Variants in ITGB1BP1 observed in about 807,000 individuals in gnomAD.
The protein encoded by ITGB1BP1 is integrin subunit beta 1 binding protein 1.
ITGB1BP1 carries 20 observed loss-of-function variants against 28.0 expected under a neutral mutation model. That is an observed-to-expected ratio of 0.71 (90% confidence interval 0.50 to 1.04). The LOEUF (loss-of-function observed/expected upper bound fraction) is 1.04, where lower values mean the gene tolerates loss of function less well. Ranked by LOEUF, ITGB1BP1 falls within the 50% of genes least tolerant of loss-of-function variation. The pLI is 0.00. For synonymous variants in ITGB1BP1, 103 were observed against 89.5 expected (o/e 1.15, Z -0.85); for missense variants, 228 against 242.5 (o/e 0.94, Z 0.40).
Position 9,405,624 on chromosome 2 carries a change from CTCT to C in ITGB1BP1, c.*1207_*1209del, listed in dbSNP as rs1446042265. On this transcript the variant is annotated 3_prime_UTR_variant, in exon 7 of 7. Transcript: ENST00000355346. ...AATTAGAGCATGTTTAATAAGTTTACTCTTCTTGTTAACTAGTCATTTGACTGG... is the reference window on the plus strand; with the variant it reads ...AATTAGAGCATGTTTAATAAGTTTACTCTTGTTAACTAGTCATTTGACTGG... The C allele has an allele frequency of 6.6e-6, 1 of 152,490 alleles. No individual in the cohort carries two copies. Among genetic ancestry groups the C allele is most frequent in the African/African-American group, 2.4e-5 (1 of 41,420 alleles). 9.4% of individuals were successfully genotyped at this position (152,490 alleles called of 1,614,324 possible). A position where few individuals can be genotyped will look rare whatever the true frequency, so the allele number is the denominator to read the frequency against.
rs183116403 is a variant in ITGB1BP1, at chr2:9,404,553, T to C, written c.*2281A>G. ...GCGAGGGTAAGATTCATAGTAGGAA[T>C]ATTGGAAATTTTGGCACTCTGAGAA... On this transcript the variant is annotated 3_prime_UTR_variant, in exon 7 of 7. Transcript: ENST00000355346. 5.9e-5 allele frequency: 9 copies of C among 152,552 alleles called. No homozygotes were observed. The highest frequency in any genetic ancestry group is 2.2e-4 in the African/African-American group (9 of 41,576). The allele number at this position is 152,552 out of a possible 1,614,324, so 9.4% of individuals were successfully genotyped here.
chr2:9,409,062 A>T lies in ITGB1BP1; in HGVS notation c.289-857T>A, dbSNP rs1338721853. ...TTCGGGCTGGCAAGTGCTGCTGATG[A>T]GCAGTTACTCCACTCACAAAAACAT... is the stretch of plus-strand genomic sequence containing the variant. On this transcript the variant is annotated intron_variant, in intron 4 of 6. Transcript: ENST00000355346. Among the ~76,000 whole-genome samples the T allele has an allele frequency of 2.6e-5, 4 of 152,190 alleles. No individual in the cohort carries two copies. In the South Asian group the frequency reaches 6.2e-4, roughly 24 times the overall value.
upstream of ITGB1BP1, chr2:9,423,564 C>A: frequency 8.9e-7 from 1 of 1,121,448 alleles, no homozygotes; most frequent in Non-Finnish European, 1.2e-6. Flanking sequence ...CCCCCGGTTC[C>A]AAGACCCCAA....
At chr2:9,411,547 C>T (rs984290510) in intron 4 of ITGB1BP1, among the ~76,000 whole-genome samples, 6 of 151,734 alleles carry the variant, frequency 4.0e-5, no homozygotes, top group Non-Finnish European at 8.8e-5. Flanking sequence ...CACAGTGAAA[C>T]CCCATCTCTA....
intron 4 of ITGB1BP1, 173 bp downstream of exon 4, chr2:9,412,096 G>A: frequency 1.5e-5 from 9 of 582,118 alleles, no homozygotes; most frequent in Non-Finnish European, 2.7e-5. Context: ...CAGCGCCTGT[G>A]TTCCCATGCA....
At chr2:9,418,755 C>G in intron 1 of ITGB1BP1, 23 bp from the exon 2 acceptor site, 1 of 1,411,994 alleles carries the variant, frequency 7.1e-7, no homozygotes, top group Non-Finnish European at 9.9e-7. Flanking sequence ...ATATTGGTAA[C>G]AGTTACATCG....
At chr2:9,408,907 T>C (rs1441235388) in intron 4 of ITGB1BP1, among the ~76,000 whole-genome samples, 1 of 152,212 alleles carries the variant, frequency 6.6e-6, no homozygotes, top group Non-Finnish European at 1.5e-5. Context: ...TTAAAATACC[T>C]ACATGAGAAA....
chr2:9,406,886 C>T lies in ITGB1BP1; in HGVS notation c.551G>A (p.Cys184Tyr). 6.2e-7 allele frequency: 1 copy of T among 1,612,864 alleles called. No homozygotes were observed. Among genetic ancestry groups the T allele is most frequent in the African/African-American group, 1.3e-5 (1 of 75,014 alleles). ...CNSLEQAQAI[C>Y]KVLSTAFDSV... ...GTCAAAAGCGGTGGATAAAACCTTG[C>T]AAATGGCTTGTGCTTGTTCCTACAT... The change falls in exon 7 of 7, where the codon TGC (cysteine) becomes TAC (tyrosine). Residue 184 changes from cysteine to tyrosine, a missense_variant. By Grantham distance (194) the Cys-to-Tyr change is radical (BLOSUM62 -2). This residue lies in a region of ITGB1BP1 where 192 missense variants were observed against 181.6 expected (regional missense o/e 1.06). Transcript: ENST00000355346.
rs1027927504 is a variant in ITGB1BP1, at chr2:9,408,293, G to A, written c.289-88C>T. 3.0e-5 allele frequency: 24 copies of A among 798,604 alleles called. No individual in the cohort carries two copies. In the East Asian group the frequency reaches 3.3e-4, roughly 11 times the overall value. The allele number at this position is 798,604 out of a possible 1,614,324, so 49.5% of individuals were successfully genotyped here. A position where few individuals can be genotyped will look rare whatever the true frequency, so the allele number is the denominator to read the frequency against. On this transcript the variant is annotated intron_variant, in intron 4 of 6. Transcript: ENST00000355346. Reference sequence around the variant, plus strand: ...TAGTCACTTTGAGTATCTGGCCATCGCAAGCCCAAACCCTTTAAAGAATGT... The same window carrying A: ...TAGTCACTTTGAGTATCTGGCCATCACAAGCCCAAACCCTTTAAAGAATGT...
Position 9,418,656 on chromosome 2 carries a change from G to A in ITGB1BP1, c.42C>T (p.Ser14=), listed in dbSNP as rs765475880. The change falls in exon 2 of 7, where the codon TCC becomes TCT. Residue 14 remains serine (S), a synonymous_variant. Coordinates refer to ENST00000355346, the MANE Select transcript of ITGB1BP1 (RefSeq NM_004763.5). ...KGKKRHSSSS[S]QSSEISTKSK... is the part of the protein sequence containing the mutation. ...TCTTAGTACTGATTTCGCTACTTTG[G>A]GAACTGCTACTACTGTGTCGTTTTT... The A allele has an allele frequency of 2.5e-6, 4 of 1,613,664 alleles. No homozygotes were observed. The highest frequency in any genetic ancestry group is 2.2e-5 in the East Asian group (1 of 44,884).
intron 2 of ITGB1BP1, among the ~76,000 whole-genome samples, chr2:9,417,785 T>C (rs1679331992): frequency 6.6e-6 from 1 of 150,748 alleles, no homozygotes; most frequent in Non-Finnish European, 1.5e-5. Context: ...ACCCCCTCCA[T>C]TCCTGTAGTT....
chr2:9,410,542 A>G (rs1312714364), intron 4 of ITGB1BP1, among the ~76,000 whole-genome samples: 1 of 152,072 alleles, frequency 6.6e-6, no homozygotes, highest in African/African-American at 2.4e-5. Flanking sequence ...GAGTTCAAGC[A>G]AGCAGTTCAA....
intron 1 of ITGB1BP1, chr2:9,423,076 A>AGAGGAAGAGGC: frequency 9.9e-7 from 1 of 1,006,970 alleles, no homozygotes; most frequent in African/African-American, 1.7e-5. Context: ...GAAGCGGGGC[A>AGAGGAAGAGGC]GAGGAAGAGG....
intron 4 of ITGB1BP1, among the ~76,000 whole-genome samples, chr2:9,411,063 T>G (rs1349452918): frequency 6.6e-6 from 1 of 152,228 alleles, no homozygotes; most frequent in Non-Finnish European, 1.5e-5. Flanking sequence ...CATTACCGAA[T>G]TCACTCTTTT....
At chr2:9,407,662 A>G (rs1225643408) in intron 5 of ITGB1BP1, 64 bp from the exon 6 acceptor site, 14 of 1,574,126 alleles carry the variant, frequency 8.9e-6, no homozygotes, top group Non-Finnish European at 1.1e-5. Context: ...TCCTGATGAC[A>G]CACCCTCCCA....
Position 9,414,210 on chromosome 2 carries a change from G to T in ITGB1BP1, c.119C>A (p.Ala40Asp). The T allele has an allele frequency of 6.2e-7, 1 of 1,614,064 alleles. No homozygotes were observed. Among genetic ancestry groups the T allele is most frequent in the Non-Finnish European group, 8.5e-7 (1 of 1,179,954 alleles). ...TTTGGTGGAATCTGTGTCGAGGCTG[G>T]CCACAGTGCTGGATCGTGAAAGACC... ...LGGLSRSSTV[A>D]SLDTDSTKSS... is the part of the protein sequence containing the mutation. The change falls in exon 3 of 7, where the codon GCC becomes GAC. Residue 40 changes from alanine (A) to aspartate (D), a missense_variant. By Grantham distance (126) the Ala-to-Asp change is moderately radical. This residue lies in a region of ITGB1BP1 where 36 missense variants were observed against 61.0 expected (regional missense o/e 0.59). Coordinates refer to ENST00000355346, the MANE Select transcript of ITGB1BP1 (RefSeq NM_004763.5).
At chr2:9,422,907 C>A (rs1385236703) in intron 1 of ITGB1BP1, 2 of 986,036 alleles carry the variant, frequency 2.0e-6, no homozygotes, top group African/African-American at 3.5e-5. Context: ...TGCGGCCAAG[C>A]TCGGGGCCTA....
rs1455669894 is a variant in ITGB1BP1, at chr2:9,415,979, C to T, written c.73-1723G>A. Among the ~76,000 whole-genome samples the T allele has an allele frequency of 6.6e-6, 1 of 152,254 alleles. No homozygotes were observed. Among genetic ancestry groups the T allele is most frequent in the African/African-American group, 2.4e-5 (1 of 41,474 alleles). ...TCTCCTGAGGGGGCCTTGTGCGACC[C>T]TGCGAGACGCCTCCTTCTGTGCTGT... On this transcript the variant is annotated intron_variant, in intron 2 of 6. Coordinates refer to ENST00000355346, the MANE Select transcript of ITGB1BP1 (RefSeq NM_004763.5). This position sits in a 1 kb window ranked among gnomAD's most constrained non-coding sequence, Gnocchi z 4.1.
intron 2 of ITGB1BP1, among the ~76,000 whole-genome samples, chr2:9,417,833 A>G (rs528651319): frequency 1.3e-5 from 2 of 149,648 alleles, no homozygotes; most frequent in East Asian, 2.0e-4. Flanking sequence ...CTGAAACTCT[A>G]TATTTTACTT....
Sources: allele counts gnomAD v4.1 joint callset (sites outside exome capture counted in the v4.1 genomes callset), GRCh38; gene constraint gnomAD v4.1.1; regional missense constraint gnomAD v4.1.1; non-coding constraint Gnocchi (gnomAD v3.1); transcripts MANE v1.5; gene names NCBI Gene and HGNC (gene_info 2026-07-23, HGNC 2026-07-21).